The following DDX10 variants were observed in gnomAD, a reference collection of about 807,000 sequenced individuals.
DDX10 encodes DEAD-box helicase 10, also known as probable ATP-dependent RNA helicase DDX10.
Under a neutral mutation model 104.3 loss-of-function variants are expected in DDX10, and 74 were observed. That is an observed-to-expected ratio of 0.71 (90% confidence interval 0.59 to 0.86). DDX10 has a LOEUF of 0.86. Ranked by LOEUF, DDX10 falls within the 40% of genes least tolerant of loss-of-function variation. DDX10 has a pLI of 0.00. For missense variants in DDX10, 952 were observed against 1,040.0 expected, an observed-to-expected ratio of 0.92 and a Z score of 1.16; for synonymous variants, 351 against 353.4, an observed-to-expected ratio of 0.99 and a Z score of 0.08.
intron 13 of DDX10, among the ~76,000 whole-genome samples, chr11:108,812,075 T>C (rs951381564): frequency 1.3e-5 from 2 of 152,180 alleles, no homozygotes; most frequent in African/African-American, 4.8e-5. Flanking sequence ...CTGATTTTCT[T>C]CTAGGAAAAG....
intron 13 of DDX10, among the ~76,000 whole-genome samples, chr11:108,754,527 CATTT>C (rs772994714): frequency 2.0e-5 from 3 of 152,032 alleles, no homozygotes; most frequent in African/African-American, 4.8e-5. Context: ...TACTCACATT[CATTT>C]ATTATAAATA....
chr11:108,758,241 C>T (rs1173198766), intron 13 of DDX10, among the ~76,000 whole-genome samples: 1 of 152,014 alleles, frequency 6.6e-6, no homozygotes, highest in African/African-American at 2.4e-5. Flanking sequence ...AGTGGGTTTT[C>T]AGGGTGTTTG....
chr11:108,895,265 T>A (rs1328674285), intron 16 of DDX10, among the ~76,000 whole-genome samples: 1 of 151,954 alleles, frequency 6.6e-6, no homozygotes, highest in East Asian at 1.9e-4. Flanking sequence ...AGTGATTTTT[T>A]TTTTTGCTTG....
At chr11:108,734,033 T>A (rs1227505222) in intron 13 of DDX10, among the ~76,000 whole-genome samples, 1 of 152,172 alleles carries the variant, frequency 6.6e-6, no homozygotes, top group Admixed American at 6.5e-5. Context: ...TCTTGTCTCT[T>A]CTTTGAAGCC....
chr11:108,717,054 C>T (rs548501757), intron 11 of DDX10, among the ~76,000 whole-genome samples: 1 of 152,068 alleles, frequency 6.6e-6, no homozygotes, highest in African/African-American at 2.4e-5. Context: ...ATCATTTTCA[C>T]CTGTCCTTTA....
At chr11:108,698,949 T>G (rs1379432095) in intron 9 of DDX10, among the ~76,000 whole-genome samples, 3 of 152,236 alleles carry the variant, frequency 2.0e-5, no homozygotes, top group Non-Finnish European at 4.4e-5. Flanking sequence ...TTTCCTCAAG[T>G]ATCCACATGG....
In DDX10 at chr11:108,779,944, C is replaced by T. The variant is rs977786889; in HGVS notation, c.1965+56482C>T. On this transcript the variant is annotated intron_variant, in intron 13 of 17. Coordinates refer to ENST00000322536, the MANE Select transcript of DDX10 (RefSeq NM_004398.4). ...GGAGTGAGATGAGTTAGTATTTTAC[C>T]TTCCGTTATGCTACTTAACTGTCCG... 2.0e-5 allele frequency among the ~76,000 whole-genome samples: 3 copies of T among 152,124 alleles called. No individual in the cohort carries two copies. In the East Asian group the frequency reaches 5.8e-4, roughly 29 times the overall value.
intron 9 of DDX10, among the ~76,000 whole-genome samples, chr11:108,701,442 A>T (rs2094267784): frequency 6.6e-6 from 1 of 152,176 alleles, no homozygotes. Context: ...CCCTTTCTCC[A>T]CTTCTTGATT....
intron 16 of DDX10, among the ~76,000 whole-genome samples, chr11:108,899,128 C>T (rs1163484090): frequency 2.6e-5 from 4 of 152,136 alleles, no homozygotes; most frequent in South Asian, 4.1e-4. Context: ...CTCACTTTCT[C>T]ACTTTTCAAC....
intron 13 of DDX10, among the ~76,000 whole-genome samples, chr11:108,769,876 T>C (rs954785456): frequency 6.6e-6 from 1 of 152,198 alleles, no homozygotes; most frequent in Non-Finnish European, 1.5e-5. Context: ...TACTTGTTAA[T>C]TTAAAATAAT....
intron 13 of DDX10, chr11:108,767,411 A>G (rs1398469761): frequency 6.6e-6 from 1 of 152,212 alleles, no homozygotes; most frequent in African/African-American, 2.4e-5. Flanking sequence ...TGTGGTGAGT[A>G]TAAGACGTTG....
chr11:108,827,681 A>G (rs915005181), intron 13 of DDX10, among the ~76,000 whole-genome samples: 2 of 152,016 alleles, frequency 1.3e-5, no homozygotes, highest in African/African-American at 4.8e-5. Flanking sequence ...TCCTCCTTGT[A>G]TCTATTGTAC....
intron 13 of DDX10, among the ~76,000 whole-genome samples, chr11:108,827,768 G>T (rs559347606): frequency 1.3e-5 from 2 of 152,006 alleles, no homozygotes; most frequent in Non-Finnish European, 2.9e-5. Flanking sequence ...GTAATTTTAG[G>T]ACTGTTGCTA....
At chr11:108,803,880 CT>C (rs914720095) in intron 13 of DDX10, among the ~76,000 whole-genome samples, 65 of 152,228 alleles carry the variant, frequency 4.3e-4, no homozygotes, top group Admixed American at 1.3e-3. Context: ...GGACTGTTTT[CT>C]TTTTGCTATC....
At chr11:108,685,992 A>T (rs1329764541) in intron 6 of DDX10, among the ~76,000 whole-genome samples, 1 of 152,170 alleles carries the variant, frequency 6.6e-6, no homozygotes, top group Non-Finnish European at 1.5e-5. Context: ...CATCAACTTG[A>T]TATATATTTG....
At chr11:108,686,237 A>G (rs183310894) in intron 6 of DDX10, among the ~76,000 whole-genome samples, 1 of 152,244 alleles carries the variant, frequency 6.6e-6, no homozygotes, top group East Asian at 1.9e-4. Context: ...GGATGGACCT[A>G]TGTTTTTGCA....
At chr11:108,731,285 A>G (rs1439457082) in intron 13 of DDX10, among the ~76,000 whole-genome samples, 1 of 152,086 alleles carries the variant, frequency 6.6e-6, no homozygotes, top group East Asian at 1.9e-4. Flanking sequence ...TCCTGACCTC[A>G]GGTCATCCAC....
intron 5 of DDX10, 43 bp from the exon 6 acceptor site, chr11:108,679,328 A>C: frequency 6.7e-7 from 1 of 1,497,908 alleles, no homozygotes; most frequent in African/African-American, 1.4e-5. Context: ...AGCCTAATGT[A>C]TATTTTACAT....
intron 15 of DDX10, among the ~76,000 whole-genome samples, chr11:108,842,479 C>G (rs909089965): frequency 1.3e-5 from 2 of 152,130 alleles, no homozygotes; most frequent in African/African-American, 4.8e-5. Context: ...CCAGTACACA[C>G]TTTTTTATAA....
Sources: gnomAD v4.1 joint callset for allele counts (sites outside exome capture counted in the v4.1 genomes callset) on GRCh38, gnomAD v4.1.1 for gene constraint, MANE v1.5 for transcripts, NCBI Gene and HGNC (gene_info 2026-07-23, HGNC 2026-07-21) for gene names.